GABRB3: variants seen among roughly 807,000 people sequenced by gnomAD.
The protein encoded by GABRB3 is gamma-aminobutyric acid receptor subunit beta-3.
Under a neutral mutation model 52.1 loss-of-function variants are expected in GABRB3, and 14 were observed. The ratio of observed to expected loss-of-function variants is 0.27; its 90% CI spans 0.18 to 0.42. The LOEUF (loss-of-function observed/expected upper bound fraction) is 0.42, where lower values mean the gene tolerates loss of function less well. Among genes scored for constraint, GABRB3 ranks in the 10% least tolerant of loss-of-function variants. The pLI, the probability that GABRB3 is intolerant of heterozygous loss-of-function variation, is 1.00. For missense variants in GABRB3, 307 were observed against 609.1 expected, an observed-to-expected ratio of 0.50 and a Z score of 5.22; for synonymous variants, 260 against 232.3, an observed-to-expected ratio of 1.12 and a Z score of -1.08.
At chr15:26,758,538 A>C (rs1219952330) in intron 3 of GABRB3, among the ~76,000 whole-genome samples, 2 of 152,212 alleles carry the variant, frequency 1.3e-5, no homozygotes, top group Non-Finnish European at 2.9e-5. Flanking sequence ...AAGGAGAGGT[A>C]AATGTCATTC....
At chr15:26,655,994 C>T (rs761991060) in intron 3 of GABRB3, among the ~76,000 whole-genome samples, 6 of 152,176 alleles carry the variant, frequency 3.9e-5, no homozygotes, top group Non-Finnish European at 7.3e-5. Context: ...AAACCTCTGA[C>T]TAACGTATTT....
In GABRB3 at chr15:26,617,073, A is replaced by C. The variant is rs539948706; in HGVS notation, c.461+4241T>G. On this transcript the variant is annotated intron_variant, in intron 4 of 8. Coordinates refer to ENST00000311550, the MANE Select transcript of GABRB3 (RefSeq NM_000814.6). ...GAATAGACCAATAACAGGAGCTGAAATTGTGGCAATAATCAATAGCTTACC... is the reference window on the plus strand; with the variant it reads ...GAATAGACCAATAACAGGAGCTGAACTTGTGGCAATAATCAATAGCTTACC... Among the ~76,000 whole-genome samples the C allele has an allele frequency of 2.0e-5, 3 of 152,354 alleles. No homozygotes were observed. The South Asian group carries it at 6.2e-4, about 32-fold the overall frequency.
intron 3 of GABRB3, among the ~76,000 whole-genome samples, chr15:26,687,575 CCCTT>C (rs1366441335): frequency 6.6e-6 from 1 of 152,078 alleles, no homozygotes; most frequent in Non-Finnish European, 1.5e-5. Context: ...TTCCCTCTCT[CCCTT>C]CCTTCCTTCT....
intron 3 of GABRB3, among the ~76,000 whole-genome samples, chr15:26,632,293 C>A (rs992577251): frequency 6.6e-6 from 1 of 152,222 alleles, no homozygotes; most frequent in African/African-American, 2.4e-5. Flanking sequence ...GCCTTTATAC[C>A]TGCCGAAAGG....
At chr15:26,685,993 G>GA (rs1888393209) in intron 3 of GABRB3, among the ~76,000 whole-genome samples, 1 of 152,066 alleles carries the variant, frequency 6.6e-6, no homozygotes, top group Non-Finnish European at 1.5e-5. Context: ...TTAGTTTTTT[G>GA]TAGAGTGGGA....
chr15:26,588,901 T>C (rs951703725), intron 4 of GABRB3, among the ~76,000 whole-genome samples: 11 of 152,228 alleles, frequency 7.2e-5, no homozygotes, highest in African/African-American at 2.7e-4. Flanking sequence ...TGTCTAAAGA[T>C]ATGATTAAGA....
chr15:26,622,309 G>T (rs1240139254), intron 3 of GABRB3, among the ~76,000 whole-genome samples: 1 of 152,126 alleles, frequency 6.6e-6, no homozygotes, highest in African/African-American at 2.4e-5. Context: ...AGTTTATCGA[G>T]AACAAAGTGG....
In GABRB3 at chr15:26,546,914, G is replaced by C. The variant is rs1889268281; in HGVS notation, c.*879C>G. On this transcript the variant is annotated 3_prime_UTR_variant, in exon 9 of 9. Transcript: ENST00000311550. The stretch of plus-strand genomic sequence containing the variant: ...GTCTATGCTTTCTGTTGGATATCAG[G>C]CCTAGAAATCCATACGAGATGTAGA... 1 of 151,348 alleles carries C rather than the reference G, an allele frequency of 6.6e-6. No homozygotes were observed. Among genetic ancestry groups the C allele is most frequent in the Non-Finnish European group, 1.5e-5 (1 of 67,924 alleles). 9.4% of individuals were successfully genotyped at this position (151,348 alleles called of 1,614,324 possible).
intron 3 of GABRB3, among the ~76,000 whole-genome samples, chr15:26,679,333 T>C (rs796667577): frequency 5.3e-5 from 8 of 152,262 alleles, no homozygotes; most frequent in African/African-American, 1.9e-4. Flanking sequence ...GCATCTACCT[T>C]TCTAAAATAT....
At chr15:26,695,133 T>C (rs1888698206) in intron 3 of GABRB3, among the ~76,000 whole-genome samples, 1 of 152,040 alleles carries the variant, frequency 6.6e-6, no homozygotes, top group South Asian at 2.1e-4. Flanking sequence ...AAATAGTCAG[T>C]GTAACAATGG....
chr15:26,557,039 G>A (rs1292634877), intron 8 of GABRB3, among the ~76,000 whole-genome samples: 1 of 152,114 alleles, frequency 6.6e-6, no homozygotes, highest in Non-Finnish European at 1.5e-5. Context: ...AAATGCCCAT[G>A]AACAGTGGAC....
rs570307894 is a variant in GABRB3 at position 26,592,739 on chromosome 15, C to T, written c.462-9325G>A. Among the ~76,000 whole-genome samples, 154 of 152,192 alleles carry T rather than the reference C, an allele frequency of 1.0e-3. 2 individuals are homozygous for T. The highest frequency in any genetic ancestry group is 3.3e-3 in the African/African-American group (138 of 41,514). ...AATGGGCACATACGTTATTAAAGGA[C>T]CTTATTAAAATTCGGATTCTGTCCC... On this transcript the variant is annotated intron_variant, in intron 4 of 8. Transcript: ENST00000311550.
intron 6 of GABRB3, 117 bp from the exon 7 acceptor site, chr15:26,567,850 AC>A: frequency 2.1e-6 from 2 of 953,460 alleles, no homozygotes; most frequent in East Asian, 2.5e-5. Context: ...TAAAGGGGTG[AC>A]CCACCACCAA....
At chr15:26,595,708 CCT>C (rs1296506487) in intron 4 of GABRB3, among the ~76,000 whole-genome samples, 1 of 152,158 alleles carries the variant, frequency 6.6e-6, no homozygotes, top group Non-Finnish European at 1.5e-5. Context: ...CTGATTAACC[CCT>C]GTTCCAGGAA....
chr15:26,599,375 C>G (rs1891504971), intron 4 of GABRB3, among the ~76,000 whole-genome samples: 1 of 152,168 alleles, frequency 6.6e-6, no homozygotes, highest in Non-Finnish European at 1.5e-5. Flanking sequence ...GGGCTCCACC[C>G]ATCCTAAACA....
intron 3 of GABRB3, among the ~76,000 whole-genome samples, chr15:26,674,059 C>A (rs534343360): frequency 6.5e-5 from 9 of 137,750 alleles, no homozygotes; most frequent in African/African-American, 2.8e-4. Context: ...ACATATTTAA[C>A]CCCCCCCTTT....
Position 26,583,430 on chromosome 15 carries a change from T to C in GABRB3, c.462-16A>G. 2.5e-6 allele frequency: 4 copies of C among 1,601,410 alleles called. No homozygotes were observed. The highest frequency in any genetic ancestry group is 2.6e-6 in the Non-Finnish European group (3 of 1,168,650). ...CGTGGTGATTCTGAAATACACAGGG[T>C]GAGGGAAGATATTAAAGAAGGGCTG... On this transcript the variant is annotated splice_polypyrimidine_tract_variant and intron_variant, in intron 4 of 8. Coordinates refer to ENST00000311550, the MANE Select transcript of GABRB3 (RefSeq NM_000814.6).
At chr15:26,704,594 C>G (rs1359804339) in intron 3 of GABRB3, among the ~76,000 whole-genome samples, 1 of 148,122 alleles carries the variant, frequency 6.8e-6, no homozygotes, top group African/African-American at 2.4e-5. Context: ...AAATATTTCT[C>G]TCTTCTCATA....
chr15:26,581,661 T>C (rs1890794841), intron 5 of GABRB3, among the ~76,000 whole-genome samples: 2 of 152,216 alleles, frequency 1.3e-5, no homozygotes, highest in Non-Finnish European at 2.9e-5. Flanking sequence ...CCAGGGCTCC[T>C]GGGTCCTGTG....
Sources: gnomAD v4.1 joint callset for allele counts (sites outside exome capture counted in the v4.1 genomes callset) on GRCh38, gnomAD v4.1.1 for gene constraint, MANE v1.5 for transcripts, NCBI Gene and HGNC (gene_info 2026-07-23, HGNC 2026-07-21) for gene names.